AKAP13: variants seen among roughly 807,000 people sequenced by gnomAD.
The protein encoded by AKAP13 is A-kinase anchoring protein 13.
In AKAP13, 80 loss-of-function variants were observed where a neutral mutation model predicts 264.5. That is an observed-to-expected ratio of 0.30 (90% CI 0.25 to 0.36). AKAP13 has a LOEUF of 0.36. Ranked by LOEUF, AKAP13 falls within the 10% of genes least tolerant of loss-of-function variation. The pLI, the probability that AKAP13 is intolerant of heterozygous loss-of-function variation, is 1.00. For missense variants in AKAP13, 3,712 were observed against 3,435.2 expected (o/e 1.08, Z -2.01); for synonymous variants, 1,380 against 1,250.2 (o/e 1.10, Z -2.19).
chr15:85,741,633 T>A (rs1054389522), intron 35 of AKAP13, 138 bp downstream of exon 35: 2 of 1,361,430 alleles, frequency 1.5e-6, no homozygotes, highest in South Asian at 1.8e-5. Flanking sequence ...CCCAGCACTT[T>A]AGGAGGCTGA....
At chr15:85,421,768 G>C (rs1427583057) in intron 1 of AKAP13, among the ~76,000 whole-genome samples, 1 of 152,186 alleles carries the variant, frequency 6.6e-6, no homozygotes, top group Non-Finnish European at 1.5e-5. Context: ...TTTCTACTTT[G>C]TAGACTTATT....
At chr15:85,664,393 G>A (rs1291158381) in intron 12 of AKAP13, among the ~76,000 whole-genome samples, 170 bp from the exon 13 acceptor site, 1 of 152,206 alleles carries the variant, frequency 6.6e-6, no homozygotes, top group Non-Finnish European at 1.5e-5. Flanking sequence ...TCCAAGATCT[G>A]TGGGGGAAAG....
chr15:85,468,162 C>G (rs2074822364), intron 1 of AKAP13, among the ~76,000 whole-genome samples: 1 of 152,152 alleles, frequency 6.6e-6, no homozygotes. Flanking sequence ...TCTATGAAGA[C>G]TTATTAAGGC....
At chr15:85,420,261 C>G (rs2072464045) in intron 1 of AKAP13, among the ~76,000 whole-genome samples, 3 of 151,524 alleles carry the variant, frequency 2.0e-5, no homozygotes. Flanking sequence ...TAATCTGACT[C>G]TTTTAACAGT....
rs770562501 is a variant in AKAP13, at chr15:85,727,204, C to T, written c.6961C>T (p.Arg2321Ter). ...AGTCCATGCCAGCTCCAAAGAGGAA[C>T]GAAACAGCTGGATTCAGATCATTCA... ...VEVHASSKEE[R>*]NSWIQIIQDT... Residue 2321 changes from arginine to a stop codon, truncating the protein, a stop_gained, in exon 28 of 37, where the codon CGA (arginine) becomes TGA (stop). Transcript: ENST00000394518. LOFTEE classifies it high-confidence loss of function. This position sits in a 1 kb window ranked among gnomAD's most constrained non-coding sequence, Gnocchi z 5.3. The T allele has an allele frequency of 1.2e-6, 2 of 1,614,034 alleles. No individual in the cohort carries two copies. Among genetic ancestry groups the T allele is most frequent in the East Asian group, 2.2e-5 (1 of 44,886 alleles).
intron 8 of AKAP13, among the ~76,000 whole-genome samples, chr15:85,594,382 T>A (rs2079715230): frequency 6.6e-6 from 1 of 152,234 alleles, no homozygotes; most frequent in African/African-American, 2.4e-5. Context: ...TCTCAAGTGT[T>A]AAAATACAGG....
chr15:85,458,865 T>C (rs1198168321), intron 1 of AKAP13, among the ~76,000 whole-genome samples: 1 of 152,224 alleles, frequency 6.6e-6, no homozygotes, highest in Non-Finnish European at 1.5e-5. Context: ...GTCTCCTCCT[T>C]AATGGCTTCT....
chr15:85,443,774 T>C (rs74024848), intron 1 of AKAP13, among the ~76,000 whole-genome samples: 1 of 56,884 alleles, frequency 1.8e-5, no homozygotes, highest in East Asian at 4.3e-4. Context: ...AAAAAAAAAG[T>C]GTGTGTGTGT....
chr15:85,738,179 C>G (rs1489519316), intron 33 of AKAP13, among the ~76,000 whole-genome samples: 1 of 150,220 alleles, frequency 6.7e-6, no homozygotes, highest in Non-Finnish European at 1.5e-5. Flanking sequence ...GGGTGGATCA[C>G]TTGAGGTCAG....
At chr15:85,391,680 T>C (rs1203186854) in intron 1 of AKAP13, among the ~76,000 whole-genome samples, 3 of 152,018 alleles carry the variant, frequency 2.0e-5, no homozygotes, top group African/African-American at 7.2e-5. Context: ...AGGTGGTGTT[T>C]TGCCAGGTTG....
At chr15:85,492,578 A>G (rs988501035) in intron 2 of AKAP13, among the ~76,000 whole-genome samples, 1 of 152,238 alleles carries the variant, frequency 6.6e-6, no homozygotes, top group African/African-American at 2.4e-5. Flanking sequence ...TTTCCTAAGA[A>G]TGAAGACATT....
At chr15:85,612,259 A>G (rs2080669610) in intron 8 of AKAP13, among the ~76,000 whole-genome samples, 1 of 152,200 alleles carries the variant, frequency 6.6e-6, no homozygotes, top group Non-Finnish European at 1.5e-5. Context: ...ATGTTAGGAA[A>G]ATTTGACAAT....
At chr15:85,601,130 A>T (rs1343834393) in intron 8 of AKAP13, among the ~76,000 whole-genome samples, 3 of 152,236 alleles carry the variant, frequency 2.0e-5, no homozygotes, top group Non-Finnish European at 2.9e-5. Context: ...ATTAAAATGT[A>T]CATTAATGGG....
chr15:85,684,524 A>C, intron 15 of AKAP13: 1 of 468,512 alleles, frequency 2.1e-6, no homozygotes, highest in Non-Finnish European at 3.8e-6. Flanking sequence ...TCATCACACC[A>C]CTCAGAGCAA....
At position 85,738,814 on chromosome 15, in the gene AKAP13, C is replaced by T. The variant is rs181392390; in HGVS notation, c.7558-1408C>T. Among the ~76,000 whole-genome samples the T allele has an allele frequency of 2.5e-3, 360 of 141,818 alleles. 12 individuals carry two copies. The East Asian group carries it at 0.067, about 26-fold the overall frequency. 93.0% of individuals were successfully genotyped at this position (141,818 alleles called of 152,430 possible). On this transcript the variant is annotated intron_variant, in intron 33 of 36. Transcript: ENST00000394518. ...GATTGCGCCACTGCAGTCCGCAGTC[C>T]GGCCTGGGCGACAGAGCGAGACTCC... is the stretch of plus-strand genomic sequence containing the variant.
intron 33 of AKAP13, among the ~76,000 whole-genome samples, chr15:85,738,067 G>A (rs1210775128): frequency 6.6e-6 from 1 of 152,164 alleles, no homozygotes; most frequent in Admixed American, 6.5e-5. Flanking sequence ...CTTAGCTAGA[G>A]TCGGCAGGTT....
chr15:85,470,396 A>G (rs1398337090), intron 1 of AKAP13, among the ~76,000 whole-genome samples: 4 of 152,228 alleles, frequency 2.6e-5, no homozygotes, highest in Non-Finnish European at 5.9e-5. Flanking sequence ...CCAGTTTATA[A>G]GAGTTGTGCC....
At chr15:85,512,385 T>C (rs1450214167) in intron 2 of AKAP13, among the ~76,000 whole-genome samples, 1 of 152,174 alleles carries the variant, frequency 6.6e-6, no homozygotes, top group East Asian at 1.9e-4. Flanking sequence ...GACTCTTCCA[T>C]CTTTCTTGTT....
At chr15:85,455,669 G>T (rs948369820) in intron 1 of AKAP13, among the ~76,000 whole-genome samples, 2 of 151,942 alleles carry the variant, frequency 1.3e-5, no homozygotes, top group African/African-American at 4.8e-5. Context: ...TTTAAAAAAA[G>T]AACTGTGGTG....
Sources: gnomAD v4.1 joint callset for allele counts (sites outside exome capture counted in the v4.1 genomes callset) on GRCh38, gnomAD v4.1.1 for gene constraint, Gnocchi (gnomAD v3.1) non-coding constraint, MANE v1.5 for transcripts, NCBI Gene and HGNC (gene_info 2026-07-23, HGNC 2026-07-21) for gene names.